Variants in SLC10A7 observed in about 807,000 individuals in gnomAD.
The protein encoded by SLC10A7 is solute carrier family 10 member 7, also known as sodium/bile acid cotransporter 7.
In SLC10A7, 29 loss-of-function variants were observed where a neutral mutation model predicts 43.2. The ratio of observed to expected loss-of-function variants is 0.67; its 90% CI spans 0.50 to 0.92. The LOEUF is 0.92. SLC10A7 is among the 40% of genes least tolerant of loss of function. The pLI is 0.00. For missense variants in SLC10A7, 295 were observed against 403.2 expected (o/e 0.73, Z 2.30); for synonymous variants, 152 against 144.8 (o/e 1.05, Z -0.35).
intron 5 of SLC10A7, among the ~76,000 whole-genome samples, chr4:146,402,581 G>A (rs774074097): frequency 5.9e-5 from 9 of 151,910 alleles, no homozygotes; most frequent in Non-Finnish European, 1.2e-4. Context: ...GGGGAGGGAA[G>A]GAAACCAAAA....
At chr4:146,491,134 G>A (rs1168008316) in intron 4 of SLC10A7, among the ~76,000 whole-genome samples, 1 of 152,148 alleles carries the variant, frequency 6.6e-6, no homozygotes, top group Non-Finnish European at 1.5e-5. Context: ...AACTGTATTT[G>A]AGCTGGGCCT....
chr4:146,267,630 G>A (rs1215956185), intron 10 of SLC10A7, among the ~76,000 whole-genome samples: 1 of 152,168 alleles, frequency 6.6e-6, no homozygotes, highest in African/African-American at 2.4e-5. Context: ...ACTAAAAACT[G>A]CCAAATTCTT....
intron 5 of SLC10A7, among the ~76,000 whole-genome samples, chr4:146,344,181 G>A (rs1734454910): frequency 6.6e-6 from 1 of 151,998 alleles, no homozygotes; most frequent in African/African-American, 2.4e-5. Flanking sequence ...AAAATGAAGT[G>A]ACCGGATGCT....
chr4:146,283,135 C>T (rs1729654721), intron 10 of SLC10A7, 57 bp downstream of exon 10: 1 of 1,346,348 alleles, frequency 7.4e-7, no homozygotes. Context: ...ATATCAAAGT[C>T]ATAAGATGTA....
chr4:146,375,521 C>T (rs912157305), intron 5 of SLC10A7, among the ~76,000 whole-genome samples: 2 of 152,326 alleles, frequency 1.3e-5, no homozygotes, highest in South Asian at 2.1e-4. Flanking sequence ...TGCCACAGAA[C>T]ATCTAGCTCC....
intron 5 of SLC10A7, among the ~76,000 whole-genome samples, chr4:146,425,543 G>A (rs538402858): frequency 2.6e-5 from 4 of 152,194 alleles, no homozygotes; most frequent in South Asian, 2.1e-4. Flanking sequence ...ATTGGTCAGC[G>A]CAACTATAGA....
rs560365575 is a variant in SLC10A7 at position 146,274,895 on chromosome 4, AAAC to A, written c.847+8294_847+8296del. On this transcript the variant is annotated intron_variant, in intron 10 of 11. Transcript: ENST00000335472. The stretch of plus-strand genomic sequence containing the variant: ...TATTGTGGCCAGTCTTAAGTAAGAA[AAAC>A]AACAACCAACCACCCAGAGTTGACT... Among the ~76,000 whole-genome samples the A allele has an allele frequency of 2.3e-4, 35 of 152,310 alleles. No homozygotes were observed. The East Asian group carries it at 6.8e-3, about 29-fold the overall frequency.
At chr4:146,519,647 G>A (rs1304237182) in intron 1 of SLC10A7, among the ~76,000 whole-genome samples, 1 of 152,084 alleles carries the variant, frequency 6.6e-6, no homozygotes, top group Admixed American at 6.6e-5. Flanking sequence ...AGCTAAGCAA[G>A]GTGATTCAGG....
At chr4:146,314,262 C>T (rs140837897) in intron 6 of SLC10A7, among the ~76,000 whole-genome samples, 1,567 of 152,226 alleles carry the variant, frequency 0.01, 13 homozygotes, top group Non-Finnish European at 0.016. Context: ...CCCAGAAAAA[C>T]AAGGTTTCTT....
chr4:146,410,258 A>G (rs892336460), intron 5 of SLC10A7, among the ~76,000 whole-genome samples: 11 of 152,186 alleles, frequency 7.2e-5, no homozygotes, highest in African/African-American at 2.2e-4. Context: ...TTTCCTCCCT[A>G]TATCAGTCTG....
intron 4 of SLC10A7, among the ~76,000 whole-genome samples, chr4:146,462,902 T>C (rs1732668923): frequency 6.6e-6 from 1 of 152,196 alleles, no homozygotes; most frequent in South Asian, 2.1e-4. Flanking sequence ...AAGGTTTCAC[T>C]GTAATAACAG....
intron 4 of SLC10A7, among the ~76,000 whole-genome samples, chr4:146,477,192 T>C (rs1734101386): frequency 6.6e-6 from 1 of 152,240 alleles, no homozygotes; most frequent in Admixed American, 6.5e-5. Context: ...TTACAGCTTT[T>C]ATGCCAAGTT....
Position 146,474,383 on chromosome 4 carries a change from T to C in SLC10A7, c.396+29466A>G, listed in dbSNP as rs540113280. ...ACATTTTGACAAAATGTAATGCATC[T>C]TCCAAGTCATTAAGTATAGAAACTT... is the stretch of plus-strand genomic sequence containing the variant. On this transcript the variant is annotated intron_variant, in intron 4 of 11. Transcript: ENST00000335472. Among the ~76,000 whole-genome samples the C allele has an allele frequency of 3.3e-5, 5 of 152,272 alleles. No homozygotes were observed. In the South Asian group the frequency reaches 1.0e-3, roughly 32 times the overall value.
intron 4 of SLC10A7, among the ~76,000 whole-genome samples, chr4:146,463,201 C>G (rs1451889491): frequency 6.6e-6 from 1 of 152,120 alleles, no homozygotes; most frequent in Admixed American, 6.5e-5. Flanking sequence ...TTATTAAATA[C>G]ATGTGTCTAT....
intron 4 of SLC10A7, among the ~76,000 whole-genome samples, chr4:146,445,977 C>G (rs760391396): frequency 4.6e-5 from 7 of 151,844 alleles, no homozygotes; most frequent in Non-Finnish European, 8.8e-5. Flanking sequence ...CTCATGGGCA[C>G]AGGATAGGGG....
chr4:146,319,357 C>A (rs1732538753), intron 6 of SLC10A7, among the ~76,000 whole-genome samples: 1 of 152,010 alleles, frequency 6.6e-6, no homozygotes. Context: ...TTATCTCTTC[C>A]AGATCTTTGC....
At chr4:146,420,420 G>A (rs553580850) in intron 5 of SLC10A7, among the ~76,000 whole-genome samples, 2 of 152,190 alleles carry the variant, frequency 1.3e-5, no homozygotes, top group South Asian at 4.1e-4. Context: ...GTCAGTATAA[G>A]TATCTAAGTA....
intron 5 of SLC10A7, among the ~76,000 whole-genome samples, chr4:146,358,935 A>G (rs911128482): frequency 1.3e-5 from 2 of 152,310 alleles, no homozygotes; most frequent in South Asian, 4.1e-4. Context: ...GTTTAACATT[A>G]GTAGATGCAG....
intron 2 of SLC10A7, among the ~76,000 whole-genome samples, chr4:146,515,878 C>A (rs1168224412): frequency 6.8e-6 from 1 of 148,136 alleles, no homozygotes. Context: ...CTACTGCCCT[C>A]CAGCCTGGGC....
Sources: gnomAD v4.1 joint callset for allele counts (sites outside exome capture counted in the v4.1 genomes callset) on GRCh38, gnomAD v4.1.1 for gene constraint, MANE v1.5 for transcripts, NCBI Gene and HGNC (gene_info 2026-07-23, HGNC 2026-07-21) for gene names.